CTNNA3: variants seen among roughly 807,000 people sequenced by gnomAD.
CTNNA3 encodes the protein catenin alpha-3.
Under a neutral mutation model 95.7 loss-of-function variants are expected in CTNNA3, and 76 were observed. The ratio of observed to expected loss-of-function variants is 0.79; its 90% CI spans 0.66 to 0.96. The LOEUF (loss-of-function observed/expected upper bound fraction) is 0.96, where lower values mean the gene tolerates loss of function less well. Ranked by LOEUF, CTNNA3 falls within the 40% of genes least tolerant of loss-of-function variation. CTNNA3 has a pLI of 0.00. For missense variants in CTNNA3, 1,191 were observed against 1,089.8 expected (o/e 1.09, Z -1.31); for synonymous variants, 431 against 374.4 (o/e 1.15, Z -1.74).
chr10:66,493,249 T>C (rs969467321), intron 11 of CTNNA3, among the ~76,000 whole-genome samples: 18 of 152,168 alleles, frequency 1.2e-4, no homozygotes, highest in African/African-American at 3.9e-4. Context: ...TTAATAATAA[T>C]ACAGTGTGCT....
At chr10:67,560,125 A>T (rs1841443855) in intron 3 of CTNNA3, among the ~76,000 whole-genome samples, 1 of 152,122 alleles carries the variant, frequency 6.6e-6, no homozygotes, top group Admixed American at 6.6e-5. Flanking sequence ...CAGATTCAGG[A>T]AATACAGAGA....
At chr10:66,604,429 C>G (rs1844043019) in intron 10 of CTNNA3, among the ~76,000 whole-genome samples, 1 of 152,146 alleles carries the variant, frequency 6.6e-6, no homozygotes, top group African/African-American at 2.4e-5. Flanking sequence ...CATTAGCACC[C>G]TGCTGCAGCC....
intron 2 of CTNNA3, among the ~76,000 whole-genome samples, chr10:67,634,513 T>C (rs1360460355): frequency 6.6e-6 from 1 of 152,110 alleles, no homozygotes; most frequent in Non-Finnish European, 1.5e-5. Flanking sequence ...AATGTTCCAA[T>C]TAAAAGACAC....
At chr10:66,905,072 G>A (rs968194666) in intron 7 of CTNNA3, among the ~76,000 whole-genome samples, 2 of 152,078 alleles carry the variant, frequency 1.3e-5, no homozygotes, top group East Asian at 1.9e-4. Flanking sequence ...ACATGCACAC[G>A]TGTGTTTATT....
intron 15 of CTNNA3, among the ~76,000 whole-genome samples, chr10:66,017,632 C>A (rs981279334): frequency 6.6e-6 from 1 of 152,140 alleles, no homozygotes; most frequent in African/African-American, 2.4e-5. Context: ...CTTCCAGAGA[C>A]TAAAGAACCT....
intron 9 of CTNNA3, among the ~76,000 whole-genome samples, chr10:66,685,315 GTGTATGTGTGTATA>G (rs1218833933): frequency 4.1e-4 from 12 of 29,064 alleles, no homozygotes; most frequent in Non-Finnish European, 6.4e-4. Flanking sequence ...ATATGTGTGT[GTGTATGTGTGTATA>G]TATATATATA....
At position 66,713,713 on chromosome 10, in the gene CTNNA3, A is replaced by G. The variant is rs1049039192; in HGVS notation, c.1281+52551T>C. Among the ~76,000 whole-genome samples, 5 of 152,168 alleles carry G rather than the reference A, an allele frequency of 3.3e-5. No individual in the cohort carries two copies. In the East Asian group the frequency reaches 9.7e-4, roughly 29 times the overall value. ...TACAAGCCTTGTCCACCTATATTCT[A>G]TTCTCGAATCATATCTGAATCAGCA... On this transcript the variant is annotated intron_variant, in intron 9 of 17. Coordinates refer to ENST00000433211, the MANE Select transcript of CTNNA3 (RefSeq NM_013266.4).
In CTNNA3 at chr10:66,699,104, C is replaced by A. The variant is rs144665992; in HGVS notation, c.1281+67160G>T. ...CTGTATTTCATATCTGTATTTCAAC[C>A]TTCTCCATTCACTGGAACAGACATT... is the stretch of plus-strand genomic sequence containing the variant. On this transcript the variant is annotated intron_variant, in intron 9 of 17. Transcript: ENST00000433211. Among the ~76,000 whole-genome samples the A allele has an allele frequency of 7.0e-4, 107 of 152,258 alleles. 1 individual carries two copies. In the East Asian group the frequency reaches 0.018, roughly 25 times the overall value.
intron 1 of CTNNA3, among the ~76,000 whole-genome samples, chr10:67,748,796 C>G (rs1841386708): frequency 6.6e-6 from 1 of 152,126 alleles, no homozygotes; most frequent in Non-Finnish European, 1.5e-5. Flanking sequence ...CCAATTAAAA[C>G]ACACAGACTG....
At chr10:67,015,020 T>C (rs1323192323) in intron 7 of CTNNA3, among the ~76,000 whole-genome samples, 3 of 152,128 alleles carry the variant, frequency 2.0e-5, no homozygotes, top group East Asian at 1.9e-4. Context: ...AAACATGTTT[T>C]CTTTTCTACA....
intron 14 of CTNNA3, among the ~76,000 whole-genome samples, chr10:66,094,262 T>A (rs2133704923): frequency 6.6e-6 from 1 of 151,956 alleles, no homozygotes; most frequent in Middle Eastern, 3.4e-3. Context: ...CACGAGGAGG[T>A]AGCATTGAAG....
At chr10:66,808,969 T>C (rs1841768175) in intron 7 of CTNNA3, among the ~76,000 whole-genome samples, 1 of 152,216 alleles carries the variant, frequency 6.6e-6, no homozygotes, top group South Asian at 2.1e-4. Flanking sequence ...AATTATTTCT[T>C]GCAGCATGAA....
At chr10:67,496,273 G>A (rs1338647654) in intron 5 of CTNNA3, among the ~76,000 whole-genome samples, 6 of 152,108 alleles carry the variant, frequency 3.9e-5, no homozygotes, top group Non-Finnish European at 8.8e-5. Context: ...TTAATAGACT[G>A]GCCTCACACA....
intron 7 of CTNNA3, among the ~76,000 whole-genome samples, chr10:67,001,860 G>T (rs2132988766): frequency 6.6e-6 from 1 of 152,254 alleles, no homozygotes; most frequent in East Asian, 1.9e-4. Flanking sequence ...GTTTAGCCTT[G>T]TCATCATTAC....
At chr10:67,360,222 G>C (rs77278913) in intron 5 of CTNNA3, among the ~76,000 whole-genome samples, 1,619 of 152,014 alleles carry the variant, frequency 0.011, 25 homozygotes, top group African/African-American at 0.033. Context: ...ACATAAAAAA[G>C]AAAGAACAAC....
At chr10:66,390,528 A>T (rs1191666245) in intron 11 of CTNNA3, among the ~76,000 whole-genome samples, 1 of 152,174 alleles carries the variant, frequency 6.6e-6, no homozygotes, top group Admixed American at 6.6e-5. Context: ...TAAGAGACTT[A>T]AGCTAAATTT....
chr10:66,819,462 C>T (rs188909895), intron 7 of CTNNA3, among the ~76,000 whole-genome samples: 214 of 151,804 alleles, frequency 1.4e-3, no homozygotes, highest in African/African-American at 2.5e-3. Flanking sequence ...ATCAAAAGTA[C>T]GAGCAGCGAA....
chr10:67,472,499 TA>T (rs1375054349), intron 5 of CTNNA3, among the ~76,000 whole-genome samples: 2 of 152,114 alleles, frequency 1.3e-5, no homozygotes, highest in Non-Finnish European at 1.5e-5. Context: ...ATTAGCATGC[TA>T]AAAAACACTC....
intron 11 of CTNNA3, among the ~76,000 whole-genome samples, chr10:66,518,826 C>T (rs918265630): frequency 1.3e-5 from 2 of 151,606 alleles, no homozygotes; most frequent in Admixed American, 6.6e-5. Context: ...TTTTTTTTCC[C>T]ATACATTTTC....
Sources: gnomAD v4.1 joint callset for allele counts (sites outside exome capture counted in the v4.1 genomes callset) on GRCh38, gnomAD v4.1.1 for gene constraint, MANE v1.5 for transcripts, NCBI Gene and HGNC (gene_info 2026-07-23, HGNC 2026-07-21) for gene names.